Variants in ANKFY1 observed in about 807,000 individuals in gnomAD.
ANKFY1 encodes ankyrin repeat and FYVE domain-containing protein 1.
Under a neutral mutation model 128.3 loss-of-function variants are expected in ANKFY1, and 47 were observed. The observed-to-expected ratio is 0.37, with a 90% CI of 0.29 to 0.47. The LOEUF is 0.47. Among genes scored for constraint, ANKFY1 ranks in the 20% least tolerant of loss-of-function variants. ANKFY1 has a pLI of 1.00. For missense variants in ANKFY1, 1,222 were observed against 1,510.6 expected (o/e 0.81, Z 3.17); for synonymous variants, 553 against 601.6 (o/e 0.92, Z 1.18).
intron 22 of ANKFY1, 39 bp downstream of exon 22, chr17:4,172,517 C>G: frequency 6.3e-7 from 1 of 1,595,276 alleles, no homozygotes; most frequent in Non-Finnish European, 8.5e-7. Context: ...AAGCAAGGTG[C>G]GCAAGTGAGA....
In ANKFY1 at chr17:4,173,898, C is replaced by G. The variant is rs1322102664; in HGVS notation, c.2923+11G>C. 1 of 1,610,710 alleles carries G rather than the reference C, an allele frequency of 6.2e-7. No homozygotes were observed. The highest frequency in any genetic ancestry group is 1.1e-5 in the South Asian group (1 of 90,876). Reference sequence around the variant, plus strand: ...GATCGTTCAAGCCACTAAAGAATGACTGGGAGTTACCATTGTTTCCATTCT... The same window carrying G: ...GATCGTTCAAGCCACTAAAGAATGAGTGGGAGTTACCATTGTTTCCATTCT... On this transcript the variant is annotated intron_variant, in intron 20 of 24. Coordinates refer to ENST00000341657, the MANE Select transcript of ANKFY1 (RefSeq NM_001330063.2).
At chr17:4,170,102 C>T (rs1453877999) in intron 23 of ANKFY1, among the ~76,000 whole-genome samples, 3 of 152,214 alleles carry the variant, frequency 2.0e-5, no homozygotes, top group Admixed American at 6.5e-5. Flanking sequence ...CAACCCGACT[C>T]CACCACAGAC....
chr17:4,212,947 T>A (rs996716221), intron 4 of ANKFY1, among the ~76,000 whole-genome samples: 1 of 147,732 alleles, frequency 6.8e-6, no homozygotes, highest in Non-Finnish European at 1.5e-5. Context: ...ATTTTTGTAT[T>A]TTTTTTTTTA....
At chr17:4,226,698 G>A (rs1306753104) in intron 3 of ANKFY1, among the ~76,000 whole-genome samples, 1 of 149,436 alleles carries the variant, frequency 6.7e-6, no homozygotes, top group Non-Finnish European at 1.5e-5. Flanking sequence ...AGCTGAGATA[G>A]CGCCACTGCA....
At chr17:4,184,351 G>C (rs2059572839) in intron 12 of ANKFY1, among the ~76,000 whole-genome samples, 1 of 152,178 alleles carries the variant, frequency 6.6e-6, no homozygotes, top group Non-Finnish European at 1.5e-5. Flanking sequence ...AACAAGGATT[G>C]AGGCAAGAGC....
At chr17:4,244,369 G>C (rs1967420014) in intron 1 of ANKFY1, among the ~76,000 whole-genome samples, 2 of 152,328 alleles carry the variant, frequency 1.3e-5, no homozygotes, top group South Asian at 4.1e-4. Flanking sequence ...GAAAAGGTCA[G>C]GAAAGGCTTC....
intron 1 of ANKFY1, 138 bp downstream of exon 1, chr17:4,263,794 C>A: frequency 6.2e-7 from 1 of 1,600,198 alleles, no homozygotes; most frequent in South Asian, 1.1e-5. Flanking sequence ...TCCGGAGAGG[C>A]TAGACAGGAA....
chr17:4,227,775 T>C (rs1330704509), intron 3 of ANKFY1, among the ~76,000 whole-genome samples: 3 of 152,210 alleles, frequency 2.0e-5, no homozygotes, highest in Non-Finnish European at 4.4e-5. Context: ...TCAGCATTAT[T>C]ATCAGGGGAA....
chr17:4,249,119 A>C (rs1291147980), intron 1 of ANKFY1: 9 of 985,164 alleles, frequency 9.1e-6, no homozygotes, highest in African/African-American at 1.7e-5. Flanking sequence ...CACAGTCAGA[A>C]GAGAAACCAA....
At chr17:4,211,196 G>A (rs954457754) in intron 4 of ANKFY1, among the ~76,000 whole-genome samples, 1 of 151,936 alleles carries the variant, frequency 6.6e-6, no homozygotes, top group African/African-American at 2.4e-5. Flanking sequence ...CTGAGCTCAG[G>A]AGGTCGTGAC....
Position 4,178,558 on chromosome 17 carries a change from C to A in ANKFY1, c.2598+299G>T. 1 of 422,940 alleles carries A rather than the reference C, an allele frequency of 2.4e-6. No homozygotes were observed. The highest frequency in any genetic ancestry group is 4.4e-6 in the Non-Finnish European group (1 of 226,304). 26.2% of individuals were successfully genotyped at this position (422,940 alleles called of 1,614,324 possible). A position where few individuals can be genotyped will look rare whatever the true frequency, so the allele number is the denominator to read the frequency against. On this transcript the variant is annotated intron_variant, in intron 18 of 24. Coordinates refer to ENST00000341657, the MANE Select transcript of ANKFY1 (RefSeq NM_001330063.2). This position sits in a 1 kb window ranked among gnomAD's most constrained non-coding sequence, Gnocchi z 4.1. ...GACACTCCTCACTAGGACAGTTAAC[C>A]AACCTAGCAAAAGCAAAGAATGAGC...
Position 4,167,981 on chromosome 17 carries a change from C to A in ANKFY1, c.3378-70G>T. 6.5e-7 allele frequency: 1 copy of A among 1,546,208 alleles called. No individual in the cohort carries two copies. Among genetic ancestry groups the A allele is most frequent in the Non-Finnish European group, 8.8e-7 (1 of 1,139,956 alleles). ...GACTCTGCTTCCTGGCACGTGAGGACAACCGCAGCAGGGCCTGGCAGCCAA... is the reference window on the plus strand; with the variant it reads ...GACTCTGCTTCCTGGCACGTGAGGAAAACCGCAGCAGGGCCTGGCAGCCAA... On this transcript the variant is annotated intron_variant, in intron 24 of 24. Coordinates refer to ENST00000341657, the MANE Select transcript of ANKFY1 (RefSeq NM_001330063.2). This position sits in a 1 kb window ranked among gnomAD's most constrained non-coding sequence, Gnocchi z 4.1.
At chr17:4,212,794 C>T (rs926125579) in intron 4 of ANKFY1, among the ~76,000 whole-genome samples, 6 of 136,028 alleles carry the variant, frequency 4.4e-5, no homozygotes, top group African/African-American at 1.1e-4. Flanking sequence ...TTTTTTGAGA[C>T]GGAGTCTACC....
chr17:4,189,060 A>C (rs1390804247), intron 11 of ANKFY1, among the ~76,000 whole-genome samples: 1 of 152,210 alleles, frequency 6.6e-6, no homozygotes, highest in Non-Finnish European at 1.5e-5. Flanking sequence ...TGTTATCAAG[A>C]ATCAAATGCT....
At chr17:4,192,307 T>C (rs2059731707) in intron 10 of ANKFY1, among the ~76,000 whole-genome samples, 1 of 147,622 alleles carries the variant, frequency 6.8e-6, no homozygotes, top group Non-Finnish European at 1.5e-5. Context: ...TGATGGTTAC[T>C]CTAATCTGGA....
At chr17:4,185,842 G>A (rs1036416760) in intron 11 of ANKFY1, among the ~76,000 whole-genome samples, 4 of 152,160 alleles carry the variant, frequency 2.6e-5, no homozygotes, top group South Asian at 4.2e-4. Flanking sequence ...GGAGAGCCGC[G>A]CAGCCCCCGC....
At chr17:4,223,737 G>GT (rs1449566249) in intron 3 of ANKFY1, 5 of 1,580,874 alleles carry the variant, frequency 3.2e-6, no homozygotes, top group Non-Finnish European at 4.3e-6. Context: ...GTGATGGCCT[G>GT]TTGCTGGGCC....
At chr17:4,259,983 G>A (rs901260403) in intron 1 of ANKFY1, among the ~76,000 whole-genome samples, 51 of 152,198 alleles carry the variant, frequency 3.4e-4, no homozygotes, top group Non-Finnish European at 1.3e-4. Context: ...GGACAAAGAC[G>A]CAGAGGTAGC....
At chr17:4,213,556 A>C (rs1193495208) in intron 4 of ANKFY1, among the ~76,000 whole-genome samples, 2 of 148,472 alleles carry the variant, frequency 1.3e-5, no homozygotes, top group South Asian at 4.3e-4. Flanking sequence ...CAACAGCATT[A>C]TATTTATTTC....
Sources: gnomAD v4.1 joint callset for allele counts (sites outside exome capture counted in the v4.1 genomes callset) on GRCh38, gnomAD v4.1.1 for gene constraint, Gnocchi (gnomAD v3.1) non-coding constraint, MANE v1.5 for transcripts, NCBI Gene and HGNC (gene_info 2026-07-23, HGNC 2026-07-21) for gene names.